Variants in PPP2R2B observed in about 807,000 individuals in gnomAD.
PPP2R2B encodes the protein serine/threonine-protein phosphatase 2A 55 kDa regulatory subunit B beta isoform.
A neutral mutation model predicts 46.0 loss-of-function variants in PPP2R2B; 5 were observed. The observed-to-expected ratio is 0.11, with a 90% CI of 0.06 to 0.23. PPP2R2B has a LOEUF of 0.23. Ranked by LOEUF, PPP2R2B falls within the 10% of genes least tolerant of loss-of-function variation. The pLI, the probability that PPP2R2B is intolerant of heterozygous loss-of-function variation, is 1.00. For missense variants in PPP2R2B, 367 were observed against 575.0 expected (o/e 0.64, Z 3.70); for synonymous variants, 215 against 206.7 (o/e 1.04, Z -0.34).
At chr5:146,902,932 G>T (rs1293117532) in intron 1 of PPP2R2B, among the ~76,000 whole-genome samples, 1 of 152,158 alleles carries the variant, frequency 6.6e-6, no homozygotes, top group Non-Finnish European at 1.5e-5. Flanking sequence ...GAGGTCCATA[G>T]ATCAAAACCA....
At position 146,586,481 on chromosome 5, in the gene PPP2R2B, C is replaced by CT. The variant is rs1421284177; in HGVS notation, c.*3465dup. ...AGGCTTGAAGGGAGGGAAATTATGG[C>CT]TTTTCAAGTCCTTAGAAATTGGGCA... On this transcript the variant is annotated 3_prime_UTR_variant, in exon 10 of 10. Coordinates refer to ENST00000394411, the MANE Select transcript of PPP2R2B (RefSeq NM_181675.4). The CT allele has an allele frequency of 6.6e-6, 1 of 152,088 alleles. No individual in the cohort carries two copies. Among genetic ancestry groups the CT allele is most frequent in the Non-Finnish European group, 1.5e-5 (1 of 68,022 alleles). 9.4% of individuals were successfully genotyped at this position (152,088 alleles called of 1,614,324 possible). A position where few individuals can be genotyped will look rare whatever the true frequency, so the allele number is the denominator to read the frequency against.
intron 1 of PPP2R2B, among the ~76,000 whole-genome samples, chr5:147,036,870 G>T (rs1292967494): frequency 1.3e-5 from 2 of 152,116 alleles, no homozygotes; most frequent in Non-Finnish European, 2.9e-5. Context: ...AGCCAGTGAT[G>T]GTTGCAATGG....
At chr5:146,946,312 C>T (rs898091481) in intron 1 of PPP2R2B, among the ~76,000 whole-genome samples, 77 of 152,218 alleles carry the variant, frequency 5.1e-4, no homozygotes, top group African/African-American at 1.8e-3. Context: ...CCCCTGTCCC[C>T]CCACCACTGC....
intron 2 of PPP2R2B, among the ~76,000 whole-genome samples, chr5:146,738,870 T>G (rs1473444706): frequency 6.6e-6 from 1 of 152,218 alleles, no homozygotes; most frequent in Non-Finnish European, 1.5e-5. Context: ...TATTAACTAT[T>G]AGTCATTAGT....
At chr5:146,929,379 C>T (rs749945330) in intron 1 of PPP2R2B, among the ~76,000 whole-genome samples, 10 of 152,150 alleles carry the variant, frequency 6.6e-5, no homozygotes, top group South Asian at 2.1e-4. Context: ...ATCTGTTGAA[C>T]GAACAAGTCA....
At chr5:146,895,651 G>A (rs1762622063) in intron 1 of PPP2R2B, among the ~76,000 whole-genome samples, 2 of 152,166 alleles carry the variant, frequency 1.3e-5, no homozygotes, top group Non-Finnish European at 2.9e-5. Context: ...TTTATAAACA[G>A]TTGTTAACTA....
At chr5:147,022,765 C>T (rs923327564) in intron 1 of PPP2R2B, among the ~76,000 whole-genome samples, 5 of 151,856 alleles carry the variant, frequency 3.3e-5, no homozygotes, top group African/African-American at 4.8e-5. Flanking sequence ...CCATTGACGT[C>T]GCATCATAAA....
intron 7 of PPP2R2B, among the ~76,000 whole-genome samples, chr5:146,625,499 A>G (rs1581743519): frequency 6.6e-6 from 1 of 152,102 alleles, no homozygotes; most frequent in South Asian, 2.1e-4. Context: ...CTAAATGCTG[A>G]GGGGGTTTGA....
intron 1 of PPP2R2B, among the ~76,000 whole-genome samples, chr5:147,006,241 C>A (rs1451456769): frequency 6.6e-6 from 1 of 152,162 alleles, no homozygotes; most frequent in Non-Finnish European, 1.5e-5. Flanking sequence ...AATTGGTCTG[C>A]TCAAACGTGG....
At position 146,781,610 on chromosome 5, in the gene PPP2R2B, G is replaced by GA. The variant is rs201103388; in HGVS notation, c.71-80469dup. 6.4e-4 allele frequency among the ~76,000 whole-genome samples: 81 copies of GA among 125,908 alleles called. 1 individual carries two copies. The highest frequency in any genetic ancestry group is 4.2e-3 in the Middle Eastern group (1 of 238). 82.6% of individuals were successfully genotyped at this position (125,908 alleles called of 152,430 possible). A position where few individuals can be genotyped will look rare whatever the true frequency, so the allele number is the denominator to read the frequency against. On this transcript the variant is annotated intron_variant, in intron 2 of 9. Coordinates refer to ENST00000394411, the MANE Select transcript of PPP2R2B (RefSeq NM_181675.4). The stretch of plus-strand genomic sequence containing the variant: ...ACAGAACATAAGAGATCTGAGCCAA[G>GA]AAAAAAAAAAAAGAGACAAAATTTT...
chr5:146,869,860 C>T (rs1422750221), intron 2 of PPP2R2B, among the ~76,000 whole-genome samples: 1 of 152,188 alleles, frequency 6.6e-6, no homozygotes, highest in Non-Finnish European at 1.5e-5. Context: ...GTCTCTAGCC[C>T]TAACCTGACT....
intron 1 of PPP2R2B, among the ~76,000 whole-genome samples, chr5:147,052,608 C>A (rs1276411528): frequency 1.3e-5 from 2 of 152,054 alleles, no homozygotes; most frequent in Non-Finnish European, 2.9e-5. Context: ...AAAAGCAGCC[C>A]AAAAGTCTAT....
In PPP2R2B at chr5:146,590,183, C is replaced by T. The variant is rs1561746259; in HGVS notation, c.1096G>A (p.Asp366Asn). ...GTCACATCACGCTTGGTGTTTCTGT[C>T]GAACATCCTGAAGAAGTTGTTGTAG... is the stretch of plus-strand genomic sequence containing the variant. The part of the protein sequence containing the change: ...GSYNNFFRMF[D>N]RNTKRDVTLE... Residue 366 changes from aspartate to asparagine, a missense_variant, in exon 10 of 10, where the codon GAC becomes AAC. Asp to Asn is a conservative substitution (Grantham distance 23, BLOSUM62 1). Around this residue, in one of 2 missense-constraint regions of PPP2R2B, gnomAD observed 361 missense variants for 545.5 expected, o/e 0.66. Transcript: ENST00000394411. 6 of 1,613,622 alleles carry T rather than the reference C, an allele frequency of 3.7e-6. No homozygotes were observed. The highest frequency in any genetic ancestry group is 5.1e-6 in the Non-Finnish European group (6 of 1,179,986).
At chr5:146,973,941 A>T (rs1752777219) in intron 1 of PPP2R2B, among the ~76,000 whole-genome samples, 1 of 152,222 alleles carries the variant, frequency 6.6e-6, no homozygotes, top group Non-Finnish European at 1.5e-5. Context: ...TGTTCCCCAG[A>T]GTTCCATCCT....
intron 5 of PPP2R2B, among the ~76,000 whole-genome samples, chr5:146,657,689 C>T (rs1173056825): frequency 1.3e-5 from 2 of 149,314 alleles, no homozygotes; most frequent in African/African-American, 4.9e-5. Context: ...CTGAGAGGGA[C>T]ATTTGCATGA....
At chr5:146,810,672 C>T (rs1757477631) in intron 2 of PPP2R2B, among the ~76,000 whole-genome samples, 1 of 152,170 alleles carries the variant, frequency 6.6e-6, no homozygotes, top group Non-Finnish European at 1.5e-5. Context: ...TGTGTTTTCT[C>T]ATTCACTGAC....
At chr5:146,695,099 A>G (rs1198138626) in intron 4 of PPP2R2B, among the ~76,000 whole-genome samples, 1 of 152,112 alleles carries the variant, frequency 6.6e-6, no homozygotes, top group Non-Finnish European at 1.5e-5. Flanking sequence ...ATATTTAACA[A>G]TTGGGAAGAT....
At chr5:146,860,097 A>G (rs911476503) in intron 2 of PPP2R2B, among the ~76,000 whole-genome samples, 1 of 152,178 alleles carries the variant, frequency 6.6e-6, no homozygotes, top group Non-Finnish European at 1.5e-5. Flanking sequence ...TTTCCTCTCA[A>G]GGTATCTAGC....
chr5:146,919,221 A>G (rs969488341), intron 1 of PPP2R2B, among the ~76,000 whole-genome samples: 4 of 152,226 alleles, frequency 2.6e-5, no homozygotes, highest in Admixed American at 2.6e-4. Flanking sequence ...CCCTCCAGCT[A>G]TCACAGGAAA....
Sources: allele counts gnomAD v4.1 joint callset (sites outside exome capture counted in the v4.1 genomes callset), GRCh38; gene constraint gnomAD v4.1.1; regional missense constraint gnomAD v4.1.1; transcripts MANE v1.5; gene names NCBI Gene and HGNC (gene_info 2026-07-23, HGNC 2026-07-21).